Variants in ZNF385D observed in about 807,000 individuals in gnomAD.
ZNF385D encodes the protein zinc finger protein 385D, also known as zinc finger protein 659.
In ZNF385D, 15 loss-of-function variants were observed where a neutral mutation model predicts 35.8. That is an observed-to-expected ratio of 0.42 (90% CI 0.28 to 0.64). ZNF385D has a LOEUF of 0.64. Among genes scored for constraint, ZNF385D ranks in the 30% least tolerant of loss-of-function variants. The probability of loss-of-function intolerance (pLI) is 0.23; values close to 1 mark genes in which losing one functional copy is unlikely to be tolerated. For synonymous variants in ZNF385D, 212 were observed against 186.8 expected, an observed-to-expected ratio of 1.13 and a Z score of -1.10; for missense variants, 474 against 494.6, an observed-to-expected ratio of 0.96 and a Z score of 0.39.
chr3:22,361,563 G>A (rs1390636187), intron 2 of ZNF385D, among the ~76,000 whole-genome samples: 1 of 151,990 alleles, frequency 6.6e-6, no homozygotes, highest in African/African-American at 2.4e-5. Context: ...AGTTTCATTA[G>A]TGCTCCCTTA....
intron 3 of ZNF385D, among the ~76,000 whole-genome samples, chr3:21,919,691 C>T (rs1700360698): frequency 6.6e-6 from 1 of 152,192 alleles, no homozygotes; most frequent in South Asian, 2.1e-4. Context: ...TATAATTCCC[C>T]TTTGTCTTTT....
chr3:21,716,993 T>C (rs1181944674), intron 1 of ZNF385D, among the ~76,000 whole-genome samples: 4 of 151,848 alleles, frequency 2.6e-5, no homozygotes, highest in Admixed American at 2.0e-4. Context: ...TGTGGTGTAG[T>C]GTGGTGATGT....
At chr3:21,678,988 T>G (rs2066814364) in intron 1 of ZNF385D, among the ~76,000 whole-genome samples, 1 of 152,064 alleles carries the variant, frequency 6.6e-6, no homozygotes. Flanking sequence ...AAGGTTCAGC[T>G]GAAAGGCCCT....
At chr3:21,589,340 CAGAAA>C (rs1312842675) in intron 2 of ZNF385D, among the ~76,000 whole-genome samples, 2 of 151,034 alleles carry the variant, frequency 1.3e-5, no homozygotes, top group Non-Finnish European at 2.9e-5. Flanking sequence ...TCAGTGGAGA[CAGAAA>C]AGACAAATCA....
chr3:21,973,550 T>C (rs771017207), intron 3 of ZNF385D, among the ~76,000 whole-genome samples: 1 of 151,986 alleles, frequency 6.6e-6, no homozygotes, highest in African/African-American at 2.4e-5. Context: ...TTCAACATAG[T>C]ACTGGAAGTA....
rs566550989 is a variant in ZNF385D, at chr3:21,963,242, G to T, written c.325+205575C>A. Among the ~76,000 whole-genome samples, 25 of 152,018 alleles carry T rather than the reference G, an allele frequency of 1.6e-4. 1 individual carries two copies. The highest frequency in any genetic ancestry group is 5.8e-4 in the African/African-American group (24 of 41,454). On this transcript the variant is annotated intron_variant, in intron 3 of 5. Coordinates refer to the ZNF385D transcript ENST00000494108. ...TGGGAGAAGTTTATCACCTGTGTAGGTCACTGTCATCTTTCATTCTTGTGG... is the reference window on the plus strand; with the variant it reads ...TGGGAGAAGTTTATCACCTGTGTAGTTCACTGTCATCTTTCATTCTTGTGG...
At chr3:21,719,635 A>G (rs1048238700) in intron 1 of ZNF385D, among the ~76,000 whole-genome samples, 2 of 152,220 alleles carry the variant, frequency 1.3e-5, no homozygotes, top group African/African-American at 4.8e-5. Context: ...GTGCACCCAG[A>G]GGACCACCCA....
At chr3:22,249,460 C>A (rs920281004) in intron 2 of ZNF385D, among the ~76,000 whole-genome samples, 1 of 152,048 alleles carries the variant, frequency 6.6e-6, no homozygotes, top group African/African-American at 2.4e-5. Context: ...CAACCTCCAG[C>A]GTATTCTCCC....
At chr3:21,995,480 G>T (rs570223904) in intron 3 of ZNF385D, among the ~76,000 whole-genome samples, 7 of 152,200 alleles carry the variant, frequency 4.6e-5, no homozygotes, top group African/African-American at 1.7e-4. Context: ...CCATCTCCAG[G>T]CCCCCTGAAG....
At chr3:22,042,478 G>A (rs367617773) in intron 3 of ZNF385D, among the ~76,000 whole-genome samples, 12 of 152,184 alleles carry the variant, frequency 7.9e-5, no homozygotes, top group Admixed American at 5.2e-4. Context: ...ATGGTAGGTT[G>A]AGCATCTTAA....
rs763626276 is a variant in ZNF385D at position 21,423,956 on chromosome 3, C to A, written c.954+7G>T. ...TAGAGGCTGGACTCTTGCAAAATGA[C>A]ACTCACCCCCAGTGGATGTGCTGTC... On this transcript the variant is annotated splice_region_variant and intron_variant, in intron 7 of 7. Coordinates refer to ENST00000281523, the MANE Select transcript of ZNF385D (RefSeq NM_024697.3). 20 of 1,604,628 alleles carry A rather than the reference C, an allele frequency of 1.2e-5. No individual in the cohort carries two copies. Among genetic ancestry groups the A allele is most frequent in the Admixed American group, 1.0e-4 (6 of 57,678 alleles).
At position 22,059,816 on chromosome 3, in the gene ZNF385D, G is replaced by A. The variant is rs896654888; in HGVS notation, c.325+109001C>T. Among the ~76,000 whole-genome samples, 4 of 152,178 alleles carry A rather than the reference G, an allele frequency of 2.6e-5. No homozygotes were observed. In the East Asian group the frequency reaches 7.7e-4, roughly 29 times the overall value. ...GGGCTAAGGGATGCTCTGGTAGTTG[G>A]TAAAACATTATTTCTGGGTGTGACT... is the stretch of plus-strand genomic sequence containing the variant. On this transcript the variant is annotated intron_variant, in intron 3 of 5. Coordinates refer to the ZNF385D transcript ENST00000494108.
intron 3 of ZNF385D, among the ~76,000 whole-genome samples, chr3:22,012,923 C>A (rs1287490031): frequency 6.6e-6 from 1 of 152,036 alleles, no homozygotes; most frequent in Non-Finnish European, 1.5e-5. Context: ...ATAACTGACT[C>A]AACGACCGCA....
At chr3:21,983,527 G>A (rs1228217010) in intron 3 of ZNF385D, among the ~76,000 whole-genome samples, 1 of 144,288 alleles carries the variant, frequency 6.9e-6, no homozygotes, top group Non-Finnish European at 1.5e-5. Context: ...GTATTCCATG[G>A]TGTATATGTG....
chr3:21,579,339 G>C (rs536902459), intron 2 of ZNF385D: 11 of 152,074 alleles, frequency 7.2e-5, no homozygotes, highest in Middle Eastern at 3.4e-3. Context: ...CTGAAACGTG[G>C]GTCAAATGTT....
chr3:22,266,581 A>G (rs141602749), intron 2 of ZNF385D, among the ~76,000 whole-genome samples: 309 of 152,046 alleles, frequency 2.0e-3, no homozygotes, highest in African/African-American at 5.3e-3. Flanking sequence ...AGACAGGCCA[A>G]TGTAAGAGCC....
intron 5 of ZNF385D, among the ~76,000 whole-genome samples, chr3:21,427,876 ACACATG>A (rs1468391037): frequency 2.6e-5 from 4 of 151,580 alleles, no homozygotes; most frequent in African/African-American, 9.7e-5. Context: ...ACACTTACAC[ACACATG>A]CACATGCACA....
rs1365789050 is a variant in ZNF385D at position 21,610,854 on chromosome 3, C to G, written c.166-46170G>C. 2.6e-5 allele frequency among the ~76,000 whole-genome samples: 4 copies of G among 151,898 alleles called. No individual in the cohort carries two copies. In the East Asian group the frequency reaches 7.7e-4, roughly 29 times the overall value. The stretch of plus-strand genomic sequence containing the variant: ...AAGTCCAGACACAGCTTAGCTAGGT[C>G]CTCTGGAAGACTGCAATCAGGATAT... On this transcript the variant is annotated intron_variant, in intron 2 of 7. Coordinates refer to ENST00000281523, the MANE Select transcript of ZNF385D (RefSeq NM_024697.3).
At position 21,417,053 on chromosome 3, in the gene ZNF385D, A is replaced by G. The variant is rs930084818; in HGVS notation, c.*4161T>C. 2.0e-5 allele frequency: 3 copies of G among 152,130 alleles called. No individual in the cohort carries two copies. Among genetic ancestry groups the G allele is most frequent in the African/African-American group, 7.2e-5 (3 of 41,432 alleles). The allele number at this position is 152,130 out of a possible 1,614,324, so 9.4% of individuals were successfully genotyped here. ...TACTAAGTGAATTAGCAACTACTCC[A>G]ATATTGGTGAAATGTACATTCTGGT... On this transcript the variant is annotated 3_prime_UTR_variant, in exon 8 of 8. Transcript: ENST00000281523.
Sources: allele counts gnomAD v4.1 joint callset (sites outside exome capture counted in the v4.1 genomes callset), GRCh38; gene constraint gnomAD v4.1.1; transcripts MANE v1.5; gene names NCBI Gene and HGNC (gene_info 2026-07-23, HGNC 2026-07-21).